RARB: variants seen among roughly 807,000 people sequenced by gnomAD.
RARB encodes retinoic acid receptor beta.
A neutral mutation model predicts 51.9 loss-of-function variants in RARB; 17 were observed. The ratio of observed to expected loss-of-function variants is 0.33; its 90% CI spans 0.22 to 0.49. RARB has a LOEUF of 0.49. RARB is among the 20% of genes least tolerant of loss of function. RARB has a pLI of 0.99. For synonymous variants in RARB, 215 were observed against 195.4 expected, an observed-to-expected ratio of 1.10 and a Z score of -0.84; for missense variants, 369 against 550.8, an observed-to-expected ratio of 0.67 and a Z score of 3.30.
intron 1 of RARB, among the ~76,000 whole-genome samples, chr3:24,839,500 G>A (rs1307453418): frequency 6.7e-6 from 1 of 149,210 alleles, no homozygotes; most frequent in African/African-American, 2.5e-5. Flanking sequence ...AGGAGTTCGA[G>A]ACCAGCCTGG....
chr3:24,975,922 C>A (rs550051412), intron 2 of RARB, among the ~76,000 whole-genome samples: 1 of 152,284 alleles, frequency 6.6e-6, no homozygotes, highest in East Asian at 1.9e-4. Flanking sequence ...CTGCCCTAGC[C>A]CTCCACCCAA....
Position 25,007,592 on chromosome 3 carries a change from C to CAAAAAAAAAA in RARB, c.-379-52530_-379-52521dup, listed in dbSNP as rs759589176. Among the ~76,000 whole-genome samples, 154 of 45,236 alleles carry CAAAAAAAAAA rather than the reference C, an allele frequency of 3.4e-3. 19 individuals carry two copies. The highest frequency in any genetic ancestry group is 4.1e-3 in the Non-Finnish European group (108 of 26,650). The allele number at this position is 45,236 out of a possible 152,430, so 29.7% of individuals were successfully genotyped here. A position where few individuals can be genotyped will look rare whatever the true frequency, so the allele number is the denominator to read the frequency against. Reference sequence around the variant, plus strand: ...CCTGGGCAACAGAGTGAGACTGTCTCAAAAAAAAAAAACAAAAAAACCTCA... The same window carrying CAAAAAAAAAA: ...CCTGGGCAACAGAGTGAGACTGTCTCAAAAAAAAAAAAAAAAAAAAAACAAAAAAACCTCA... On this transcript the variant is annotated intron_variant, in intron 2 of 11. Transcript: ENST00000383772.
At chr3:25,368,140 G>A (rs551868569) in intron 5 of RARB, among the ~76,000 whole-genome samples, 3 of 152,226 alleles carry the variant, frequency 2.0e-5, no homozygotes, top group African/African-American at 7.2e-5. Flanking sequence ...AATGATAATG[G>A]CAGTAAATAA....
intron 5 of RARB, among the ~76,000 whole-genome samples, chr3:25,263,037 A>G (rs1313547429): frequency 6.6e-6 from 1 of 152,176 alleles, no homozygotes; most frequent in Non-Finnish European, 1.5e-5. Context: ...GTCTAGTGAT[A>G]ACCTGGGACC....
intron 2 of RARB, among the ~76,000 whole-genome samples, chr3:25,494,360 A>C (rs1473428507): frequency 1.3e-5 from 2 of 151,594 alleles, no homozygotes; most frequent in African/African-American, 2.4e-5. Context: ...TTGCTTACCC[A>C]TAATATTCTT....
intron 4 of RARB, among the ~76,000 whole-genome samples, chr3:25,157,507 C>T (rs1454990368): frequency 6.6e-6 from 1 of 151,976 alleles, no homozygotes; most frequent in East Asian, 1.9e-4. Context: ...AGGTGATTCT[C>T]CAGCCTCAGC....
upstream of RARB, among the ~76,000 whole-genome samples, chr3:25,424,492 C>T (rs911982423): frequency 6.6e-6 from 1 of 152,144 alleles, no homozygotes; most frequent in African/African-American, 2.4e-5. Context: ...ACAAGTCACT[C>T]AGTACTAGCC....
chr3:24,849,146 G>A (rs560919905), intron 1 of RARB, among the ~76,000 whole-genome samples: 47 of 152,120 alleles, frequency 3.1e-4, no homozygotes, highest in Admixed American at 7.2e-4. Flanking sequence ...AGTTTATGAC[G>A]TTTAATTTAT....
intron 5 of RARB, among the ~76,000 whole-genome samples, chr3:25,255,150 A>AT (rs1334403993): frequency 6.6e-6 from 1 of 152,186 alleles, no homozygotes; most frequent in Non-Finnish European, 1.5e-5. Context: ...CATCAGATGA[A>AT]TGTCTACTTA....
intron 2 of RARB, among the ~76,000 whole-genome samples, chr3:24,992,692 C>T (rs1319019179): frequency 6.6e-6 from 1 of 152,136 alleles, no homozygotes; most frequent in Non-Finnish European, 1.5e-5. Context: ...TGGCCATCTC[C>T]CCCCGTGTCT....
chr3:24,856,875 C>G (rs947288966), intron 1 of RARB, among the ~76,000 whole-genome samples: 1 of 152,196 alleles, frequency 6.6e-6, no homozygotes, highest in Middle Eastern at 3.4e-3. Context: ...AATCTGTCTC[C>G]TCTTTTCACA....
chr3:25,434,149 C>G (rs1397287341), intron 1 of RARB, among the ~76,000 whole-genome samples: 2 of 152,160 alleles, frequency 1.3e-5, no homozygotes, highest in African/African-American at 2.4e-5. Flanking sequence ...TCAGGGATTC[C>G]AGGAGTCTCT....
chr3:24,979,257 G>T (rs1164816695), intron 2 of RARB, among the ~76,000 whole-genome samples: 1 of 152,216 alleles, frequency 6.6e-6, no homozygotes, highest in Non-Finnish European at 1.5e-5. Flanking sequence ...TTCTGTAGAT[G>T]TCTATTAGGT....
intron 5 of RARB, among the ~76,000 whole-genome samples, chr3:25,403,949 A>T (rs1559386758): frequency 2.0e-5 from 3 of 150,110 alleles, no homozygotes; most frequent in Admixed American, 1.3e-4. Context: ...TTATAGGCCA[A>T]AGCTTCCCTA....
intron 5 of RARB, among the ~76,000 whole-genome samples, chr3:25,241,675 A>G (rs1042314317): frequency 7.2e-5 from 11 of 152,148 alleles, no homozygotes; most frequent in African/African-American, 2.4e-4. Context: ...ATAGTATTCC[A>G]TGGTTTATAT....
At chr3:25,566,628 T>C (rs1339593840) in intron 3 of RARB, among the ~76,000 whole-genome samples, 1 of 152,130 alleles carries the variant, frequency 6.6e-6, no homozygotes. Flanking sequence ...CTTGCTTGGT[T>C]CAGTTACTTC....
intron 2 of RARB, chr3:25,020,194 G>A (rs1697603286): frequency 6.6e-6 from 1 of 150,816 alleles, no homozygotes; most frequent in Admixed American, 6.6e-5. Context: ...GGTTGCTCAG[G>A]CTGGAGGGCA....
intron 5 of RARB, among the ~76,000 whole-genome samples, chr3:25,194,024 T>G (rs1442419402): frequency 6.6e-6 from 1 of 151,842 alleles, no homozygotes; most frequent in Non-Finnish European, 1.5e-5. Context: ...CATTAACTGA[T>G]GAATGGATAA....
chr3:25,240,375 G>C (rs1575247153), intron 5 of RARB, among the ~76,000 whole-genome samples: 1 of 152,152 alleles, frequency 6.6e-6, no homozygotes, highest in East Asian at 1.9e-4. Context: ...TTGAATAGAA[G>C]TGGTGAAAGT....
Sources: gnomAD v4.1 joint callset for allele counts (sites outside exome capture counted in the v4.1 genomes callset) on GRCh38, gnomAD v4.1.1 for gene constraint, MANE v1.5 for transcripts, NCBI Gene and HGNC (gene_info 2026-07-23, HGNC 2026-07-21) for gene names.